SYK: variants seen among roughly 807,000 people sequenced by gnomAD.
SYK encodes the protein tyrosine-protein kinase SYK.
A neutral mutation model predicts 77.8 loss-of-function variants in SYK; 16 were observed. The ratio of observed to expected loss-of-function variants is 0.21; its 90% confidence interval spans 0.14 to 0.31. SYK has a LOEUF of 0.31. SYK is among the 10% of genes least tolerant of loss of function. The pLI is 1.00. For synonymous variants in SYK, 312 were observed against 308.7 expected, an observed-to-expected ratio of 1.01 and a Z score of -0.11; for missense variants, 529 against 814.4, an observed-to-expected ratio of 0.65 and a Z score of 4.26.
chr9:90,869,843 C>T (rs1005022251), intron 7 of SYK, among the ~76,000 whole-genome samples: 1 of 152,232 alleles, frequency 6.6e-6, no homozygotes, highest in African/African-American at 2.4e-5. Context: ...CACAGTGGCT[C>T]ATGCCTATAA....
chr9:90,874,369 G>A (rs547606327), intron 8 of SYK, 78 bp downstream of exon 8: 12 of 1,403,330 alleles, frequency 8.6e-6, no homozygotes, highest in South Asian at 5.8e-5. Flanking sequence ...GTTGGTTCAC[G>A]AATCCACACC....
chr9:90,841,170 T>G (rs1826302453), intron 1 of SYK, among the ~76,000 whole-genome samples: 1 of 150,620 alleles, frequency 6.6e-6, no homozygotes, highest in East Asian at 2.0e-4. Context: ...GTGGTTTGTG[T>G]GTGTTTTTAT....
At chr9:90,805,596 T>A (rs769198775) in intron 1 of SYK, among the ~76,000 whole-genome samples, 114 of 152,332 alleles carry the variant, frequency 7.5e-4, no homozygotes, top group Non-Finnish European at 1.1e-3. Flanking sequence ...TGACTATAAG[T>A]AGCATTTGAA....
At chr9:90,806,237 T>C (rs1824828581) in intron 1 of SYK, among the ~76,000 whole-genome samples, 1 of 152,168 alleles carries the variant, frequency 6.6e-6, no homozygotes, top group Non-Finnish European at 1.5e-5. Context: ...TTTTCTACAG[T>C]GTCAGATATA....
chr9:90,840,668 G>A (rs996562171), intron 1 of SYK, among the ~76,000 whole-genome samples: 2 of 151,654 alleles, frequency 1.3e-5, no homozygotes, highest in African/African-American at 4.8e-5. Context: ...TCTGTTAACA[G>A]CATTCTTAGA....
Position 90,826,685 on chromosome 9 carries a change from C to G in SYK, c.-41-17173C>G, listed in dbSNP as rs558623963. On this transcript the variant is annotated intron_variant, in intron 1 of 13. Coordinates refer to ENST00000375754, the MANE Select transcript of SYK (RefSeq NM_003177.7). ...TTTCACGGCCTTTTGTGGAGTGGGC[C>G]CTGGCTGAGCTTCTGGCCCTTCTTG... Among the ~76,000 whole-genome samples the G allele has an allele frequency of 2.6e-5, 4 of 152,308 alleles. No individual in the cohort carries two copies. In the East Asian group the frequency reaches 5.8e-4, roughly 22 times the overall value.
At chr9:90,818,477 G>A (rs1181751058) in intron 1 of SYK, among the ~76,000 whole-genome samples, 1 of 152,214 alleles carries the variant, frequency 6.6e-6, no homozygotes, top group African/African-American at 2.4e-5. Flanking sequence ...GGAGCAGGGT[G>A]AGGTATGGGG....
chr9:90,886,990 C>A (rs1828602687), intron 11 of SYK, among the ~76,000 whole-genome samples: 2 of 152,050 alleles, frequency 1.3e-5, no homozygotes, highest in South Asian at 4.1e-4. Flanking sequence ...AATGAAGAGG[C>A]TAAAGTGAAG....
intron 1 of SYK, among the ~76,000 whole-genome samples, chr9:90,809,985 C>T (rs1290827236): frequency 6.6e-6 from 1 of 152,048 alleles, no homozygotes; most frequent in Admixed American, 6.5e-5. Context: ...GAGAAGGGCT[C>T]AGGCTAGAAA....
chr9:90,851,559 C>G (rs1826822399), intron 3 of SYK, among the ~76,000 whole-genome samples: 1 of 152,124 alleles, frequency 6.6e-6, no homozygotes, highest in South Asian at 2.1e-4. Context: ...GAAGCGAGCA[C>G]TGGAGGGGGA....
chr9:90,889,645 C>T (rs532116119), intron 13 of SYK, among the ~76,000 whole-genome samples: 1 of 151,892 alleles, frequency 6.6e-6, no homozygotes, highest in African/African-American at 2.4e-5. Flanking sequence ...AGGCAGCAGG[C>T]AAACTGTGGG....
intron 1 of SYK, among the ~76,000 whole-genome samples, chr9:90,811,187 C>A (rs2118300953): frequency 6.6e-6 from 1 of 151,762 alleles, no homozygotes; most frequent in South Asian, 2.1e-4. Context: ...AAGCAAATCC[C>A]CATAAAATGA....
chr9:90,874,354 G>A (rs1368683538), intron 8 of SYK, 63 bp downstream of exon 8: 4 of 1,527,466 alleles, frequency 2.6e-6, no homozygotes, highest in Non-Finnish European at 3.6e-6. Flanking sequence ...TTGTAAGTTT[G>A]TAGAGTTGGT....
intron 13 of SYK, among the ~76,000 whole-genome samples, chr9:90,889,620 A>G (rs1587926567): frequency 6.6e-6 from 1 of 152,156 alleles, no homozygotes; most frequent in Non-Finnish European, 1.5e-5. Context: ...GAAACCACCC[A>G]GGGGGCAGCC....
At chr9:90,802,222 C>T (rs189093290) in intron 1 of SYK, among the ~76,000 whole-genome samples, 1 of 152,150 alleles carries the variant, frequency 6.6e-6, no homozygotes, top group Non-Finnish European at 1.5e-5. Flanking sequence ...GCCCGGCCCT[C>T]GGGAGACGCG....
At chr9:90,876,872 T>C (rs1266578264) in intron 9 of SYK, among the ~76,000 whole-genome samples, 1 of 152,198 alleles carries the variant, frequency 6.6e-6, no homozygotes, top group African/African-American at 2.4e-5. Flanking sequence ...TCAACAATTA[T>C]GAAAGGCATT....
intron 1 of SYK, among the ~76,000 whole-genome samples, chr9:90,816,745 A>G (rs290984): frequency 0.12 from 18,838 of 152,178 alleles, 1,583 homozygotes; most frequent in East Asian, 0.43. Flanking sequence ...CTCTGTTTCT[A>G]TGAGTTCAAT....
chr9:90,844,351 G>A lies in SYK; in HGVS notation c.417+36G>A, dbSNP rs147465567. 7.7e-4 allele frequency: 1,167 copies of A among 1,520,416 alleles called. 8 individuals are homozygous for A. The African/African-American group carries it at 0.013, about 16-fold the overall frequency. The allele number at this position is 1,520,416 out of a possible 1,614,324, so 94.2% of individuals were successfully genotyped here. A position where few individuals can be genotyped will look rare whatever the true frequency, so the allele number is the denominator to read the frequency against. On this transcript the variant is annotated intron_variant, in intron 2 of 13. Transcript: ENST00000375754. ...GCTGGTCCTGCTCCCTGGGCCCAGGGGGCCCTGTGACCCCACACAGACTTC... is the reference window on the plus strand; with the variant it reads ...GCTGGTCCTGCTCCCTGGGCCCAGGAGGCCCTGTGACCCCACACAGACTTC...
chr9:90,806,981 G>A (rs1452739843), intron 1 of SYK, among the ~76,000 whole-genome samples: 1 of 142,678 alleles, frequency 7.0e-6, no homozygotes, highest in East Asian at 2.0e-4. Flanking sequence ...TCCTGAAGTG[G>A]AACTGCAGTG....
Sources: gnomAD v4.1 joint callset for allele counts (sites outside exome capture counted in the v4.1 genomes callset) on GRCh38, gnomAD v4.1.1 for gene constraint, MANE v1.5 for transcripts, NCBI Gene and HGNC (gene_info 2026-07-23, HGNC 2026-07-21) for gene names.